Variants in ST3GAL2 observed in about 807,000 individuals in gnomAD.
The protein encoded by ST3GAL2 is CMP-N-acetylneuraminate-beta-galactosamide-alpha-2,3-sialyltransferase 2.
A neutral mutation model predicts 37.5 loss-of-function variants in ST3GAL2; 16 were observed. The observed-to-expected ratio is 0.43, with a 90% CI of 0.29 to 0.65. The LOEUF (loss-of-function observed/expected upper bound fraction) is 0.65. Among genes scored for constraint, ST3GAL2 ranks in the 30% least tolerant of loss-of-function variants. ST3GAL2 has a pLI of 0.17. For synonymous variants in ST3GAL2, 238 were observed against 202.9 expected (o/e 1.17, Z -1.47); for missense variants, 383 against 487.8 (o/e 0.79, Z 2.02).
chr16:70,408,712 T>C lies in ST3GAL2; in HGVS notation c.-1003-9179A>G, dbSNP rs372136350. 5.3e-4 allele frequency among the ~76,000 whole-genome samples: 81 copies of C among 151,796 alleles called. 1 individual carries two copies. The East Asian group carries it at 0.01, about 19-fold the overall frequency. On this transcript the variant is annotated intron_variant, in intron 1 of 6. Transcript: ENST00000342907. Reference sequence around the variant, plus strand: ...AAATCTCAGCTCTGGTACCTCTTGATGCCGCCCAGAGTTTGTAGCCAGAAA... The same window carrying C: ...AAATCTCAGCTCTGGTACCTCTTGACGCCGCCCAGAGTTTGTAGCCAGAAA...
intron 1 of ST3GAL2, among the ~76,000 whole-genome samples, chr16:70,418,378 C>T (rs2047690192): frequency 6.6e-6 from 1 of 152,146 alleles, no homozygotes; most frequent in South Asian, 2.1e-4. Context: ...ATCCTTCCTC[C>T]AGGAGGGCTG....
At chr16:70,389,550 C>T in intron 3 of ST3GAL2, among the ~76,000 whole-genome samples, 1 of 152,104 alleles carries the variant, frequency 6.6e-6, no homozygotes, top group Non-Finnish European at 1.5e-5. Flanking sequence ...CTGCAACCTC[C>T]ACCTCCTGGG....
rs751045679 is a variant in ST3GAL2, at chr16:70,410,240, CTTTTTTTTTTTTT to C, written c.-1003-10720_-1003-10708del. Among the ~76,000 whole-genome samples the C allele has an allele frequency of 1.6e-4, 10 of 62,664 alleles. 1 individual carries two copies. The highest frequency in any genetic ancestry group is 4.4e-4 in the South Asian group (1 of 2,280). 41.1% of individuals were successfully genotyped at this position (62,664 alleles called of 152,430 possible). A position where few individuals can be genotyped will look rare whatever the true frequency, so the allele number is the denominator to read the frequency against. On this transcript the variant is annotated intron_variant, in intron 1 of 6. Coordinates refer to ENST00000342907, the MANE Select transcript of ST3GAL2 (RefSeq NM_006927.4). The stretch of plus-strand genomic sequence containing the variant: ...GTTGACATATTATCTCCACCCTCAC[CTTTTTTTTTTTTT>C]TTTTTTTTTTTTTTTGAGACGGAGT...
chr16:70,396,962 GTTTTT>G (rs199929817), intron 2 of ST3GAL2, among the ~76,000 whole-genome samples: 4 of 144,548 alleles, frequency 2.8e-5, no homozygotes, highest in African/African-American at 5.1e-5. Flanking sequence ...TTCATTGCTT[GTTTTT>G]TTTTAACTCT....
At chr16:70,431,386 G>A (rs1470839306) in intron 1 of ST3GAL2, among the ~76,000 whole-genome samples, 1 of 152,246 alleles carries the variant, frequency 6.6e-6, no homozygotes, top group Non-Finnish European at 1.5e-5. Context: ...AGAGAGAAAA[G>A]ACAGAGCAGG....
intron 1 of ST3GAL2, among the ~76,000 whole-genome samples, chr16:70,421,407 T>TTA: frequency 2.0e-5 from 3 of 152,136 alleles, no homozygotes; most frequent in Non-Finnish European, 2.9e-5. Context: ...CTGCTGCCCA[T>TTA]CCTCAAGGAC....
intron 1 of ST3GAL2, among the ~76,000 whole-genome samples, chr16:70,411,607 C>A (rs769589038): frequency 6.6e-6 from 1 of 152,164 alleles, no homozygotes; most frequent in Non-Finnish European, 1.5e-5. Flanking sequence ...CCTGGAACTA[C>A]TGACCTCCAC....
intron 4 of ST3GAL2, 22 bp downstream of exon 4, chr16:70,388,345 C>T: frequency 6.2e-7 from 1 of 1,613,860 alleles, no homozygotes; most frequent in South Asian, 1.1e-5. Flanking sequence ...CCATATTCTA[C>T]CCAGGCCAGC....
At chr16:70,384,916 C>T (rs533594376) in intron 4 of ST3GAL2, among the ~76,000 whole-genome samples, 6 of 145,598 alleles carry the variant, frequency 4.1e-5, no homozygotes, top group Middle Eastern at 4.2e-3. Flanking sequence ...GGCTGAGGCA[C>T]GAGAATCGCT....
intron 1 of ST3GAL2, among the ~76,000 whole-genome samples, chr16:70,422,212 G>A (rs774564837): frequency 8.5e-5 from 13 of 152,174 alleles, no homozygotes; most frequent in South Asian, 2.1e-4. Context: ...AAATGAGCAC[G>A]ATAATGCCTA....
Position 70,380,165 on chromosome 16 carries a change from ACT to A in ST3GAL2, c.*1522_*1523del, listed in dbSNP as rs2047387224. The A allele has an allele frequency of 6.6e-6, 1 of 151,438 alleles. No homozygotes were observed. The allele number at this position is 151,438 out of a possible 1,614,324, so 9.4% of individuals were successfully genotyped here. On this transcript the variant is annotated 3_prime_UTR_variant, in exon 7 of 7. Coordinates refer to ENST00000342907, the MANE Select transcript of ST3GAL2 (RefSeq NM_006927.4). ...CCCCACCCCAATCACCCCTATTTTT[ACT>A]CTTTCTACTTTCGGAATTGGAAAGA...
At chr16:70,423,693 T>G (rs1274209034) in intron 1 of ST3GAL2, among the ~76,000 whole-genome samples, 5 of 151,108 alleles carry the variant, frequency 3.3e-5, no homozygotes, top group Non-Finnish European at 3.0e-5. Context: ...TTTTTTTTTT[T>G]GAGATGGAGT....
intron 1 of ST3GAL2, among the ~76,000 whole-genome samples, chr16:70,416,516 G>C (rs966814418): frequency 2.6e-5 from 4 of 152,126 alleles, no homozygotes; most frequent in Admixed American, 2.6e-4. Flanking sequence ...GCACTGTCCT[G>C]CATATAGGAG....
In ST3GAL2 at chr16:70,396,122, T is replaced by C. The variant is rs1008173909; in HGVS notation, c.340-947A>G. On this transcript the variant is annotated intron_variant, in intron 2 of 6. Transcript: ENST00000342907. ...GAGTAGCTGCAATTACAGGCATGCT[T>C]CACCATACCCTACTAATTTTGTATT... is the stretch of plus-strand genomic sequence containing the variant. Among the ~76,000 whole-genome samples the C allele has an allele frequency of 2.6e-5, 4 of 151,856 alleles. No individual in the cohort carries two copies. In the East Asian group the frequency reaches 5.8e-4, roughly 22 times the overall value.
rs180743612 is a variant in ST3GAL2 at position 70,397,751 on chromosome 16, C to G, written c.339+441G>C. Among the ~76,000 whole-genome samples, 22 of 152,166 alleles carry G rather than the reference C, an allele frequency of 1.4e-4. No individual in the cohort carries two copies. The East Asian group carries it at 4.3e-3, about 29-fold the overall frequency. On this transcript the variant is annotated intron_variant, in intron 2 of 6. Coordinates refer to ENST00000342907, the MANE Select transcript of ST3GAL2 (RefSeq NM_006927.4). ...AAAAAACAAACAAACAAATAAAAAA[C>G]AATTATTTTGAGCCAATGTTCATAA...
intron 4 of ST3GAL2, among the ~76,000 whole-genome samples, chr16:70,385,125 G>A (rs546023583): frequency 3.3e-5 from 5 of 151,616 alleles, no homozygotes; most frequent in African/African-American, 4.8e-5. Context: ...CTAACACGGT[G>A]AAACCCCGTC....
chr16:70,428,753 GA>G (rs1490204202), intron 1 of ST3GAL2, among the ~76,000 whole-genome samples: 1 of 152,120 alleles, frequency 6.6e-6, no homozygotes, highest in Non-Finnish European at 1.5e-5. Context: ...TCTACAGTGA[GA>G]TCCTACCCAG....
At chr16:70,415,762 C>CTTTTTTTTTTT (rs1203693372) in intron 1 of ST3GAL2, among the ~76,000 whole-genome samples, 6 of 115,924 alleles carry the variant, frequency 5.2e-5, no homozygotes, top group Admixed American at 1.8e-4. Context: ...TTCCAAGATT[C>CTTTTTTTTTTT]TTTTTTTTTT....
intron 4 of ST3GAL2, among the ~76,000 whole-genome samples, chr16:70,385,351 G>T (rs562656611): frequency 6.6e-6 from 1 of 152,252 alleles, no homozygotes; most frequent in Admixed American, 6.6e-5. Flanking sequence ...CATAGAGACA[G>T]AAAGTAGAAT....
Sources: gnomAD v4.1 joint callset for allele counts (sites outside exome capture counted in the v4.1 genomes callset) on GRCh38, gnomAD v4.1.1 for gene constraint, MANE v1.5 for transcripts, NCBI Gene and HGNC (gene_info 2026-07-23, HGNC 2026-07-21) for gene names.